Variants in CCDC172 observed in about 807,000 individuals in gnomAD.
CCDC172 encodes coiled-coil domain-containing protein 172.
Under a neutral mutation model 38.0 loss-of-function variants are expected in CCDC172, and 30 were observed. That is an observed-to-expected ratio of 0.79 (90% CI 0.59 to 1.07). The LOEUF is 1.07. CCDC172 is among the 50% of genes least tolerant of loss of function. The pLI, the probability that CCDC172 is intolerant of heterozygous loss-of-function variation, is 0.00. For missense variants in CCDC172, 297 were observed against 290.1 expected (o/e 1.02, Z -0.17); for synonymous variants, 78 against 88.3 (o/e 0.88, Z 0.66).
chr10:116,360,908 A>G (rs981814472), intron 7 of CCDC172, among the ~76,000 whole-genome samples: 1 of 152,142 alleles, frequency 6.6e-6, no homozygotes, highest in African/African-American at 2.4e-5. Flanking sequence ...ATTCTCCAGT[A>G]TCTGCTATAT....
intron 5 of CCDC172, among the ~76,000 whole-genome samples, chr10:116,352,501 A>G (rs2134940843): frequency 6.6e-6 from 1 of 152,324 alleles, no homozygotes; most frequent in Non-Finnish European, 1.5e-5. Flanking sequence ...GAGCATAATG[A>G]GGAACTAAAT....
chr10:116,327,439 A>AT (rs1487987265), intron 3 of CCDC172, among the ~76,000 whole-genome samples: 19 of 152,038 alleles, frequency 1.2e-4, no homozygotes, highest in Non-Finnish European at 2.5e-4. Flanking sequence ...GATATAATAT[A>AT]TTTTTTAATG....
At chr10:116,353,206 T>A (rs1844954070) in intron 5 of CCDC172, among the ~76,000 whole-genome samples, 1 of 151,092 alleles carries the variant, frequency 6.6e-6, no homozygotes, top group South Asian at 2.1e-4. Flanking sequence ...AAAAAAAGAA[T>A]AAATGTGTAC....
chr10:116,328,245 G>A (rs1459354925), intron 3 of CCDC172, among the ~76,000 whole-genome samples: 1 of 152,066 alleles, frequency 6.6e-6, no homozygotes. Flanking sequence ...AGGTTATATA[G>A]TATGAGTACT....
At chr10:116,339,810 C>A (rs1844771707) in intron 3 of CCDC172, among the ~76,000 whole-genome samples, 1 of 151,922 alleles carries the variant, frequency 6.6e-6, no homozygotes, top group South Asian at 2.1e-4. Context: ...TATTTCTAAG[C>A]TCTTTACTAT....
At chr10:116,326,615 A>C (rs982550320) in intron 3 of CCDC172, among the ~76,000 whole-genome samples, 2 of 152,176 alleles carry the variant, frequency 1.3e-5, no homozygotes, top group African/African-American at 2.4e-5. Flanking sequence ...AATATTTATT[A>C]TTTATACAAT....
intron 7 of CCDC172, among the ~76,000 whole-genome samples, chr10:116,358,476 T>C (rs1272222363): frequency 6.6e-6 from 1 of 152,158 alleles, no homozygotes; most frequent in East Asian, 1.9e-4. Context: ...GTTTTAAAAT[T>C]TGACTCTCAT....
At chr10:116,359,651 C>T (rs184811196) in intron 7 of CCDC172, among the ~76,000 whole-genome samples, 1 of 152,202 alleles carries the variant, frequency 6.6e-6, no homozygotes, top group South Asian at 2.1e-4. Context: ...GTTGCAAAGT[C>T]CCCCCAAGTT....
chr10:116,361,458 T>G lies in CCDC172; in HGVS notation c.653+3520T>G, dbSNP rs1035086651. 2.0e-5 allele frequency among the ~76,000 whole-genome samples: 3 copies of G among 152,320 alleles called. No individual in the cohort carries two copies. In the East Asian group the frequency reaches 5.8e-4, roughly 29 times the overall value. ...GTTGTACATCTTGTATTACTGATATTTGTGCTTGTTTAATGCAATAGGAAG... is the reference window on the plus strand; with the variant it reads ...GTTGTACATCTTGTATTACTGATATGTGTGCTTGTTTAATGCAATAGGAAG... On this transcript the variant is annotated intron_variant, in intron 7 of 8. Coordinates refer to ENST00000333254, the MANE Select transcript of CCDC172 (RefSeq NM_198515.3).
intron 5 of CCDC172, chr10:116,342,416 TAATA>T (rs1259731239): frequency 1.8e-5 from 7 of 391,840 alleles, no homozygotes; most frequent in South Asian, 7.1e-5. Context: ...GTCATTCATT[TAATA>T]AATAAATATC....
intron 7 of CCDC172, among the ~76,000 whole-genome samples, chr10:116,365,168 C>T (rs1448586127): frequency 6.6e-6 from 1 of 152,160 alleles, no homozygotes; most frequent in Non-Finnish European, 1.5e-5. Context: ...AATATTCATG[C>T]CATTATCATC....
At chr10:116,349,770 G>A (rs182599360) in intron 5 of CCDC172, among the ~76,000 whole-genome samples, 2 of 152,196 alleles carry the variant, frequency 1.3e-5, no homozygotes, top group Admixed American at 1.3e-4. Flanking sequence ...AAAAATCCCT[G>A]CCCCCATGGA....
intron 7 of CCDC172, among the ~76,000 whole-genome samples, chr10:116,373,659 C>T (rs1434656465): frequency 3.9e-5 from 6 of 151,994 alleles, no homozygotes; most frequent in Non-Finnish European, 7.4e-5. Flanking sequence ...CGTGTGCCAC[C>T]ACACCTGGCT....
intron 7 of CCDC172, among the ~76,000 whole-genome samples, chr10:116,372,104 T>G (rs892418577): frequency 6.6e-6 from 1 of 152,254 alleles, no homozygotes; most frequent in African/African-American, 2.4e-5. Flanking sequence ...AGATGTTTAT[T>G]TCCCTATTTA....
intron 5 of CCDC172, among the ~76,000 whole-genome samples, chr10:116,348,309 C>T (rs184892526): frequency 6.6e-6 from 1 of 152,002 alleles, no homozygotes; most frequent in African/African-American, 2.4e-5. Flanking sequence ...CTTCCATTCC[C>T]ACTTCTAATT....
intron 7 of CCDC172, among the ~76,000 whole-genome samples, chr10:116,364,436 T>C (rs1358726123): frequency 6.6e-6 from 1 of 152,036 alleles, no homozygotes; most frequent in Non-Finnish European, 1.5e-5. Flanking sequence ...ACCCAATAAT[T>C]CCATTTATGA....
At chr10:116,379,195 T>A (rs187357393) in intron 8 of CCDC172, 128 bp from the exon 9 acceptor site, 90 of 513,758 alleles carry the variant, frequency 1.8e-4, no homozygotes, top group Non-Finnish European at 2.2e-4. Context: ...TGAATTTATT[T>A]TTTTTTATAA....
chr10:116,371,757 C>G (rs1845188000), intron 7 of CCDC172, among the ~76,000 whole-genome samples: 2 of 151,974 alleles, frequency 1.3e-5, no homozygotes, highest in Non-Finnish European at 2.9e-5. Flanking sequence ...GGGACTATAA[C>G]ATTTAAAGAC....
intron 7 of CCDC172, among the ~76,000 whole-genome samples, chr10:116,376,402 G>C (rs1227431473): frequency 6.6e-6 from 1 of 152,088 alleles, no homozygotes. Flanking sequence ...TAACCTCCTA[G>C]CTGCCCAATT....
Sources: allele counts gnomAD v4.1 joint callset (sites outside exome capture counted in the v4.1 genomes callset), GRCh38; gene constraint gnomAD v4.1.1; transcripts MANE v1.5; gene names NCBI Gene and HGNC (gene_info 2026-07-23, HGNC 2026-07-21).